DTWD2: variants seen among roughly 807,000 people sequenced by gnomAD.
The protein encoded by DTWD2 is tRNA-uridine aminocarboxypropyltransferase 2.
DTWD2 carries 39 observed loss-of-function variants against 31.8 expected under a neutral mutation model. That is an observed-to-expected ratio of 1.22 (90% CI 0.95 to 1.60). DTWD2 has a LOEUF of 1.60. Among genes scored for constraint, DTWD2 ranks in the 40% most tolerant of loss-of-function variants. DTWD2 has a pLI of 0.00. For missense variants in DTWD2, 515 were observed against 381.5 expected (o/e 1.35, Z -2.92); for synonymous variants, 180 against 142.8 (o/e 1.26, Z -1.86).
At chr5:118,975,777 C>G (rs1350444822) in intron 1 of DTWD2, among the ~76,000 whole-genome samples, 4 of 152,106 alleles carry the variant, frequency 2.6e-5, no homozygotes, top group Non-Finnish European at 5.9e-5. Flanking sequence ...CAATACTGGA[C>G]CGATCAATGA....
chr5:118,885,878 T>C (rs1752852791), intron 4 of DTWD2, among the ~76,000 whole-genome samples: 1 of 152,110 alleles, frequency 6.6e-6, no homozygotes. Context: ...GGTGTAAGGA[T>C]CCCTTTTACC....
At chr5:118,875,212 T>A (rs529123772) in intron 4 of DTWD2, among the ~76,000 whole-genome samples, 25 of 152,130 alleles carry the variant, frequency 1.6e-4, no homozygotes, top group Non-Finnish European at 2.6e-4. Context: ...AAGCACTAAA[T>A]ATGGAAAGGA....
chr5:118,943,946 T>G (rs560089135), intron 2 of DTWD2, among the ~76,000 whole-genome samples: 1 of 152,352 alleles, frequency 6.6e-6, no homozygotes, highest in East Asian at 1.9e-4. Context: ...AATTTCATAG[T>G]ATGCATTGAG....
chr5:118,848,301 C>T (rs1161608317), intron 4 of DTWD2, 83 bp from the exon 5 acceptor site: 3 of 1,267,740 alleles, frequency 2.4e-6, no homozygotes, highest in African/African-American at 3.1e-5. Context: ...TAATTACTTT[C>T]CTTCCAAAAC....
At chr5:118,847,321 G>A (rs1016392491) in intron 5 of DTWD2, among the ~76,000 whole-genome samples, 6 of 152,042 alleles carry the variant, frequency 3.9e-5, no homozygotes, top group African/African-American at 1.2e-4. Flanking sequence ...TGAAGGGGGA[G>A]TTATAAATCC....
intron 4 of DTWD2, among the ~76,000 whole-genome samples, chr5:118,893,542 G>C (rs950945150): frequency 1.3e-5 from 2 of 151,996 alleles, no homozygotes; most frequent in African/African-American, 4.8e-5. Context: ...TGAGACTTCT[G>C]AGTATATATT....
intron 3 of DTWD2, among the ~76,000 whole-genome samples, chr5:118,934,272 TA>T (rs397999089): frequency 0.015 from 362 of 23,514 alleles, no homozygotes; most frequent in Middle Eastern, 0.056. Context: ...TTGTCTCCAT[TA>T]AAAAAAAAAA....
intron 4 of DTWD2, among the ~76,000 whole-genome samples, chr5:118,900,693 A>C (rs112884829): frequency 1.3e-5 from 2 of 151,926 alleles, no homozygotes; most frequent in Admixed American, 6.5e-5. Flanking sequence ...TTGGGAGGCC[A>C]AGACGGGCAG....
intron 4 of DTWD2, among the ~76,000 whole-genome samples, chr5:118,900,353 A>T (rs538559261): frequency 3.3e-5 from 5 of 152,180 alleles, no homozygotes; most frequent in South Asian, 4.1e-4. Flanking sequence ...TGCAAATATT[A>T]AAAAAAGCTA....
chr5:118,909,147 A>T (rs374050596), intron 4 of DTWD2, among the ~76,000 whole-genome samples: 2 of 152,154 alleles, frequency 1.3e-5, no homozygotes, highest in African/African-American at 2.4e-5. Context: ...CAATGGGGAG[A>T]CCCGCATAGC....
chr5:118,872,602 T>C (rs534639001), intron 4 of DTWD2, among the ~76,000 whole-genome samples: 4 of 152,352 alleles, frequency 2.6e-5, no homozygotes, highest in South Asian at 2.1e-4. Context: ...GTTTGCCTTC[T>C]TCTATAGGTG....
intron 4 of DTWD2, among the ~76,000 whole-genome samples, chr5:118,888,413 GT>G (rs1482088114): frequency 6.6e-6 from 1 of 152,134 alleles, no homozygotes; most frequent in African/African-American, 2.4e-5. Flanking sequence ...ACATTCACCT[GT>G]GTTATAGTGT....
At chr5:118,964,416 C>T (rs2442119) in intron 1 of DTWD2, among the ~76,000 whole-genome samples, 64,965 of 151,392 alleles carry the variant, frequency 0.43, 15,196 homozygotes, top group East Asian at 0.94. Flanking sequence ...CTTCTCCCCA[C>T]GGTCTCCCTC....
chr5:118,927,475 C>G (rs1351610476), intron 4 of DTWD2, among the ~76,000 whole-genome samples: 1 of 151,688 alleles, frequency 6.6e-6, no homozygotes, highest in Non-Finnish European at 1.5e-5. Context: ...AATAGAGAAA[C>G]CCCTTTTGAA....
intron 4 of DTWD2, among the ~76,000 whole-genome samples, chr5:118,888,604 C>A (rs1752916710): frequency 6.6e-6 from 1 of 152,206 alleles, no homozygotes; most frequent in Non-Finnish European, 1.5e-5. Context: ...CTTTTCATTT[C>A]TCTTGGTTAA....
intron 4 of DTWD2, among the ~76,000 whole-genome samples, chr5:118,911,926 AG>A (rs1456756719): frequency 2.6e-5 from 4 of 152,226 alleles, no homozygotes; most frequent in Admixed American, 6.5e-5. Flanking sequence ...CACCACACAA[AG>A]TACCAAAACA....
intron 4 of DTWD2, among the ~76,000 whole-genome samples, chr5:118,913,331 C>T (rs1753500204): frequency 6.6e-6 from 1 of 150,952 alleles, no homozygotes; most frequent in Admixed American, 6.6e-5. Context: ...TTCCCTGGGT[C>T]TTCAGCCTAT....
intron 4 of DTWD2, among the ~76,000 whole-genome samples, chr5:118,880,217 C>CCCACATTTTCCT (rs1357528443): frequency 3.3e-5 from 5 of 152,106 alleles, no homozygotes; most frequent in African/African-American, 1.2e-4. Context: ...AATTCTTAGA[C>CCCACATTTTCCT]CCACATTTTC....
intron 5 of DTWD2, among the ~76,000 whole-genome samples, chr5:118,844,499 T>C (rs1216129613): frequency 6.6e-6 from 1 of 152,194 alleles, no homozygotes; most frequent in African/African-American, 2.4e-5. Context: ...GGCAAGAGGA[T>C]TAACTCTTTT....
Sources: gnomAD v4.1 joint callset for allele counts (sites outside exome capture counted in the v4.1 genomes callset) on GRCh38, gnomAD v4.1.1 for gene constraint, MANE v1.5 for transcripts, NCBI Gene and HGNC (gene_info 2026-07-23, HGNC 2026-07-21) for gene names.